Variants in GRID2 observed in about 807,000 individuals in gnomAD.
The protein encoded by GRID2 is glutamate receptor ionotropic, delta-2.
In GRID2, 33 loss-of-function variants were observed where a neutral mutation model predicts 114.8. That is an observed-to-expected ratio of 0.29 (90% confidence interval 0.22 to 0.38). GRID2 has a LOEUF of 0.38. Ranked by LOEUF, GRID2 falls within the 10% of genes least tolerant of loss-of-function variation. The pLI is 1.00. For missense variants in GRID2, 1,184 were observed against 1,257.7 expected (o/e 0.94, Z 0.89); for synonymous variants, 505 against 449.9 (o/e 1.12, Z -1.55).
chr4:92,890,841 T>C (rs1746724805), intron 2 of GRID2, among the ~76,000 whole-genome samples: 1 of 152,112 alleles, frequency 6.6e-6, no homozygotes. Context: ...CTATTCACAA[T>C]AGCAAAAACT....
At chr4:92,440,933 T>A (rs1733022838) in intron 1 of GRID2, among the ~76,000 whole-genome samples, 1 of 151,982 alleles carries the variant, frequency 6.6e-6, no homozygotes, top group African/African-American at 2.4e-5. Context: ...AGAAAGTATA[T>A]GAATCAGGTA....
At chr4:92,540,647 G>A (rs1725892134) in intron 1 of GRID2, among the ~76,000 whole-genome samples, 1 of 152,118 alleles carries the variant, frequency 6.6e-6, no homozygotes, top group Admixed American at 6.6e-5. Flanking sequence ...GAAACAACAG[G>A]TGCTGGAGAG....
chr4:93,051,044 C>G (rs1014511710), intron 2 of GRID2, among the ~76,000 whole-genome samples: 1 of 151,996 alleles, frequency 6.6e-6, no homozygotes, highest in South Asian at 2.1e-4. Flanking sequence ...GGAAATAGTG[C>G]TCCACATCAC....
chr4:93,456,028 C>A, intron 11 of GRID2, 54 bp downstream of exon 11: 1 of 1,026,946 alleles, frequency 9.7e-7, no homozygotes, highest in Non-Finnish European at 1.5e-6. Context: ...GTGATGTTTC[C>A]AAAGCCATGT....
At chr4:93,596,835 T>A (rs1474791688) in intron 13 of GRID2, among the ~76,000 whole-genome samples, 1 of 152,256 alleles carries the variant, frequency 6.6e-6, no homozygotes, top group Non-Finnish European at 1.5e-5. Flanking sequence ...TGGACATTTA[T>A]GAGGTTCTTC....
At chr4:92,710,943 A>T (rs1351601676) in intron 2 of GRID2, among the ~76,000 whole-genome samples, 2 of 151,874 alleles carry the variant, frequency 1.3e-5, no homozygotes, top group Admixed American at 6.6e-5. Context: ...TTTAATTATT[A>T]ATCTAAAGTA....
At chr4:92,899,940 G>A (rs1002440284) in intron 2 of GRID2, among the ~76,000 whole-genome samples, 3 of 152,140 alleles carry the variant, frequency 2.0e-5, no homozygotes, top group Non-Finnish European at 2.9e-5. Flanking sequence ...CCCTCGTCAA[G>A]GAGGTGAGGG....
intron 2 of GRID2, among the ~76,000 whole-genome samples, chr4:92,770,912 ATT>A (rs1397372005): frequency 1.3e-5 from 2 of 151,938 alleles, no homozygotes; most frequent in African/African-American, 4.8e-5. Context: ...CATTTTTTTC[ATT>A]TTCATAAGAA....
chr4:93,796,334 AG>A (rs113440994), intron 1 of GRID2, among the ~76,000 whole-genome samples: 7 of 152,302 alleles, frequency 4.6e-5, no homozygotes, highest in African/African-American at 1.7e-4. Context: ...CATATAGCAC[AG>A]GGGGAATTTT....
intron 8 of GRID2, among the ~76,000 whole-genome samples, chr4:93,255,175 A>G (rs1481370326): frequency 6.6e-6 from 1 of 151,754 alleles, no homozygotes; most frequent in South Asian, 2.1e-4. Flanking sequence ...TTTTCCAAGT[A>G]GGCATTATTT....
chr4:92,680,068 A>G (rs749776379), intron 2 of GRID2, among the ~76,000 whole-genome samples: 15 of 152,094 alleles, frequency 9.9e-5, no homozygotes, highest in Non-Finnish European at 2.1e-4. Flanking sequence ...GTGAGTCCCA[A>G]TGATAAGAGG....
chr4:92,871,802 A>G (rs1345923694), intron 2 of GRID2, among the ~76,000 whole-genome samples: 2 of 152,194 alleles, frequency 1.3e-5, no homozygotes, highest in Non-Finnish European at 2.9e-5. Context: ...TGTGAAAGAC[A>G]GGGGAAAGAA....
At chr4:92,764,345 G>A (rs537210840) in intron 2 of GRID2, among the ~76,000 whole-genome samples, 10 of 152,278 alleles carry the variant, frequency 6.6e-5, no homozygotes, top group African/African-American at 1.7e-4. Context: ...TACAAGGAAG[G>A]AGGCATGTAA....
chr4:92,823,288 A>G (rs915330483), intron 2 of GRID2, among the ~76,000 whole-genome samples: 6 of 152,188 alleles, frequency 3.9e-5, no homozygotes, highest in South Asian at 2.1e-4. Flanking sequence ...TTGACAATAT[A>G]TAAGTAATGA....
intron 4 of GRID2, among the ~76,000 whole-genome samples, chr4:93,155,808 C>T (rs1351211927): frequency 2.6e-5 from 4 of 150,998 alleles, no homozygotes; most frequent in Admixed American, 1.3e-4. Flanking sequence ...TGACAGTTAC[C>T]CAATGCTGGG....
intron 1 of GRID2, among the ~76,000 whole-genome samples, chr4:92,543,260 A>G (rs1181378805): frequency 6.6e-6 from 1 of 152,142 alleles, no homozygotes; most frequent in Non-Finnish European, 1.5e-5. Context: ...TCCATTTTGC[A>G]GGTTAGGAAA....
intron 2 of GRID2, among the ~76,000 whole-genome samples, chr4:92,747,328 T>C (rs1270356736): frequency 6.6e-6 from 1 of 152,094 alleles, no homozygotes; most frequent in Non-Finnish European, 1.5e-5. Context: ...TTGTGGTTCT[T>C]TTAGAAATTG....
intron 10 of GRID2, among the ~76,000 whole-genome samples, chr4:93,427,184 A>T (rs1026943994): frequency 1.3e-5 from 2 of 151,986 alleles, no homozygotes; most frequent in African/African-American, 4.8e-5. Context: ...TTACATAATG[A>T]TACTTTAATA....
chr4:92,959,194 T>C (rs1752629145), intron 2 of GRID2, among the ~76,000 whole-genome samples: 1 of 151,594 alleles, frequency 6.6e-6, no homozygotes, highest in Non-Finnish European at 1.5e-5. Flanking sequence ...CATTGATTTC[T>C]ACTCTGGTTT....
Sources: gnomAD v4.1 joint callset for allele counts (sites outside exome capture counted in the v4.1 genomes callset) on GRCh38, gnomAD v4.1.1 for gene constraint, MANE v1.5 for transcripts, NCBI Gene and HGNC (gene_info 2026-07-23, HGNC 2026-07-21) for gene names.